The following DCC variants were observed in gnomAD, a reference collection of about 807,000 sequenced individuals.
DCC encodes DCC netrin 1 receptor.
DCC carries 58 observed loss-of-function variants against 172.5 expected under a neutral mutation model. The observed-to-expected ratio is 0.34, with a 90% CI of 0.27 to 0.42. The LOEUF is 0.42. Among genes scored for constraint, DCC ranks in the 10% least tolerant of loss-of-function variants. The probability of loss-of-function intolerance (pLI) is 1.00; values close to 1 mark genes in which losing one functional copy is unlikely to be tolerated. For synonymous variants in DCC, 709 were observed against 644.5 expected, an observed-to-expected ratio of 1.10 and a Z score of -1.52; for missense variants, 1,740 against 1,791.0, an observed-to-expected ratio of 0.97 and a Z score of 0.51.
At chr18:53,290,043 T>A (rs1377841637) in intron 12 of DCC, among the ~76,000 whole-genome samples, 1 of 152,198 alleles carries the variant, frequency 6.6e-6, no homozygotes, top group African/African-American at 2.4e-5. Context: ...TTTGGTTGCA[T>A]GGTATGCTAT....
intron 21 of DCC, among the ~76,000 whole-genome samples, chr18:53,424,901 A>T (rs189845774): frequency 6.6e-6 from 1 of 152,158 alleles, no homozygotes; most frequent in East Asian, 1.9e-4. Context: ...TCAACATATC[A>T]GCTAGCTATT....
At chr18:53,154,981 C>T (rs919009048) in intron 7 of DCC, among the ~76,000 whole-genome samples, 1 of 152,172 alleles carries the variant, frequency 6.6e-6, no homozygotes, top group Non-Finnish European at 1.5e-5. Flanking sequence ...GATTGACTAA[C>T]TCACTGCCAC....
At chr18:53,525,710 T>C (rs1449683101) in intron 27 of DCC, among the ~76,000 whole-genome samples, 3 of 152,058 alleles carry the variant, frequency 2.0e-5, no homozygotes, top group African/African-American at 4.8e-5. Context: ...ATTAGAACCA[T>C]TAGGACTAAA....
At chr18:53,373,330 C>G (rs551342471) in intron 15 of DCC, among the ~76,000 whole-genome samples, 1 of 152,106 alleles carries the variant, frequency 6.6e-6, no homozygotes, top group Admixed American at 6.6e-5. Context: ...TTGGTAGCTT[C>G]TTGACTCATT....
At chr18:52,374,274 A>C (rs1263855243) in intron 1 of DCC, among the ~76,000 whole-genome samples, 3 of 152,020 alleles carry the variant, frequency 2.0e-5, no homozygotes, top group African/African-American at 2.4e-5. Context: ...CACTTTCTCA[A>C]ATGGGTTTTT....
chr18:52,493,748 A>G (rs924689387), intron 1 of DCC, among the ~76,000 whole-genome samples: 2 of 152,068 alleles, frequency 1.3e-5, no homozygotes, highest in African/African-American at 4.8e-5. Flanking sequence ...AGAGATATTA[A>G]CATGGGACTT....
At chr18:52,872,326 G>A (rs1328227006) in intron 2 of DCC, among the ~76,000 whole-genome samples, 2 of 147,406 alleles carry the variant, frequency 1.4e-5, no homozygotes, top group Admixed American at 6.9e-5. Flanking sequence ...AGAGAGAATC[G>A]ACAATGGTGA....
chr18:53,200,097 T>G (rs2055513043), intron 9 of DCC, among the ~76,000 whole-genome samples: 1 of 152,094 alleles, frequency 6.6e-6, no homozygotes, highest in East Asian at 1.9e-4. Context: ...TCCAGAAGAG[T>G]GCAGTTGATG....
intron 1 of DCC, among the ~76,000 whole-genome samples, chr18:52,471,103 C>A (rs759944901): frequency 8.5e-5 from 13 of 152,152 alleles, no homozygotes; most frequent in Non-Finnish European, 1.8e-4. Context: ...GTAATGCCAG[C>A]AGTTTGGGAG....
chr18:52,404,909 G>A (rs1031600929), intron 1 of DCC, among the ~76,000 whole-genome samples: 16 of 149,512 alleles, frequency 1.1e-4, no homozygotes, highest in Non-Finnish European at 1.8e-4. Context: ...GAGAATATGC[G>A]GTGTTTGGTT....
intron 1 of DCC, among the ~76,000 whole-genome samples, chr18:52,643,139 A>G (rs2034943956): frequency 6.6e-6 from 1 of 152,212 alleles, no homozygotes; most frequent in Non-Finnish European, 1.5e-5. Flanking sequence ...AAGCTTCAAA[A>G]AAGGGAGAAA....
At chr18:52,900,341 C>A (rs377430880) in intron 2 of DCC, among the ~76,000 whole-genome samples, 17 of 152,286 alleles carry the variant, frequency 1.1e-4, no homozygotes, top group African/African-American at 3.4e-4. Context: ...CTAATGAATC[C>A]TTTTAATGTT....
intron 1 of DCC, among the ~76,000 whole-genome samples, chr18:52,378,640 G>A (rs562344796): frequency 4.6e-5 from 7 of 152,120 alleles, no homozygotes; most frequent in African/African-American, 1.7e-4. Flanking sequence ...TCTACTTCCC[G>A]GGTTCAAGTG....
At chr18:52,354,340 A>G (rs1189727371) in intron 1 of DCC, among the ~76,000 whole-genome samples, 1 of 152,224 alleles carries the variant, frequency 6.6e-6, no homozygotes, top group African/African-American at 2.4e-5. Flanking sequence ...TAGTCCTATG[A>G]GGAAACAATT....
rs187802536 is a variant in DCC, at chr18:53,011,901, T to C, written c.986-51404T>C. 1.6e-3 allele frequency among the ~76,000 whole-genome samples: 241 copies of C among 152,026 alleles called. 1 individual carries two copies. The highest frequency in any genetic ancestry group is 5.5e-3 in the African/African-American group (228 of 41,554). ...TTATAAATACGTTACAAAATGTGGA[T>C]TGTTTTGATATAGTGATTAAGAAGA... is the stretch of plus-strand genomic sequence containing the variant. On this transcript the variant is annotated intron_variant, in intron 5 of 28. Coordinates refer to ENST00000442544, the MANE Select transcript of DCC (RefSeq NM_005215.4).
At chr18:53,046,582 T>A (rs915531337) in intron 5 of DCC, among the ~76,000 whole-genome samples, 1 of 151,886 alleles carries the variant, frequency 6.6e-6, no homozygotes, top group African/African-American at 2.4e-5. Flanking sequence ...GAGATCAACA[T>A]AACACTAATT....
At chr18:52,519,349 G>A (rs2031737827) in intron 1 of DCC, among the ~76,000 whole-genome samples, 1 of 152,130 alleles carries the variant, frequency 6.6e-6, no homozygotes, top group Admixed American at 6.5e-5. Flanking sequence ...AGTGCAGTGG[G>A]GACTTTTTTC....
At chr18:52,496,359 A>G (rs1374471781) in intron 1 of DCC, among the ~76,000 whole-genome samples, 1 of 152,216 alleles carries the variant, frequency 6.6e-6, no homozygotes, top group Non-Finnish European at 1.5e-5. Context: ...GGGACAATGT[A>G]GAAATATGAA....
intron 2 of DCC, among the ~76,000 whole-genome samples, chr18:52,787,942 A>G (rs891713273): frequency 3.9e-5 from 6 of 152,308 alleles, no homozygotes; most frequent in Middle Eastern, 6.8e-3. Context: ...ACAATTTCAT[A>G]TAATCTTAAC....
Sources: gnomAD v4.1 joint callset for allele counts (sites outside exome capture counted in the v4.1 genomes callset) on GRCh38, gnomAD v4.1.1 for gene constraint, MANE v1.5 for transcripts, NCBI Gene and HGNC (gene_info 2026-07-23, HGNC 2026-07-21) for gene names.